Variants in MACROD2 observed in about 807,000 individuals in gnomAD.
MACROD2 encodes the protein ADP-ribose glycohydrolase MACROD2.
In MACROD2, 36 loss-of-function variants were observed where a neutral mutation model predicts 70.4. That is an observed-to-expected ratio of 0.51 (90% CI 0.39 to 0.68). The LOEUF (loss-of-function observed/expected upper bound fraction) is 0.68. Among genes scored for constraint, MACROD2 ranks in the 30% least tolerant of loss-of-function variants. The pLI is 0.00. For missense variants in MACROD2, 496 were observed against 538.4 expected, an observed-to-expected ratio of 0.92 and a Z score of 0.78; for synonymous variants, 172 against 178.8, an observed-to-expected ratio of 0.96 and a Z score of 0.30.
At chr20:15,712,041 C>G (rs1488013425) in intron 8 of MACROD2, among the ~76,000 whole-genome samples, 1 of 152,144 alleles carries the variant, frequency 6.6e-6, no homozygotes, top group Non-Finnish European at 1.5e-5. Context: ...AAAAAGACGA[C>G]AGAACAAGAG....
chr20:14,601,014 G>A (rs892558385), intron 4 of MACROD2, among the ~76,000 whole-genome samples: 6 of 152,086 alleles, frequency 3.9e-5, no homozygotes, highest in Non-Finnish European at 7.4e-5. Context: ...ATGAGACCTT[G>A]GGGAAGTGTC....
chr20:15,248,771 C>T (rs57697093), intron 6 of MACROD2, among the ~76,000 whole-genome samples: 2,313 of 152,260 alleles, frequency 0.015, 61 homozygotes, highest in African/African-American at 0.053. Context: ...TGTTCTAGGT[C>T]TCTCTGCCTC....
At chr20:15,610,284 A>G (rs1321019490) in intron 8 of MACROD2, among the ~76,000 whole-genome samples, 4 of 152,198 alleles carry the variant, frequency 2.6e-5, no homozygotes. Context: ...AAGGCTTAAA[A>G]TAACAGAAAT....
intron 3 of MACROD2, among the ~76,000 whole-genome samples, chr20:14,099,948 C>T (rs1482977539): frequency 1.3e-5 from 2 of 151,968 alleles, no homozygotes; most frequent in African/African-American, 4.8e-5. Context: ...GTTAAGCCAG[C>T]ATTTGTAAGT....
chr20:15,860,480 T>G (rs2064410682), intron 8 of MACROD2, among the ~76,000 whole-genome samples: 1 of 152,204 alleles, frequency 6.6e-6, no homozygotes, highest in African/African-American at 2.4e-5. Context: ...ATTACGATCT[T>G]TGGAAATTCC....
intron 3 of MACROD2, among the ~76,000 whole-genome samples, chr20:14,228,726 G>C (rs925889744): frequency 2.6e-5 from 4 of 151,820 alleles, no homozygotes; most frequent in Admixed American, 2.6e-4. Context: ...CATTAATTTC[G>C]GCCAGCTGAG....
intron 5 of MACROD2, among the ~76,000 whole-genome samples, chr20:14,743,057 C>T (rs538946756): frequency 3.9e-5 from 6 of 152,198 alleles, no homozygotes; most frequent in East Asian, 3.9e-4. Context: ...TGAGCCACCG[C>T]GCCCGGCCTA....
intron 13 of MACROD2, among the ~76,000 whole-genome samples, chr20:15,982,237 T>C (rs1206888149): frequency 6.6e-6 from 1 of 152,136 alleles, no homozygotes; most frequent in African/African-American, 2.4e-5. Flanking sequence ...TTACATACTT[T>C]GTGCTGAGTG....
intron 2 of MACROD2, among the ~76,000 whole-genome samples, chr20:14,045,917 A>G (rs1252983955): frequency 6.6e-6 from 1 of 152,252 alleles, no homozygotes; most frequent in African/African-American, 2.4e-5. Context: ...GATTGAACTC[A>G]GCTGAACAGA....
At chr20:15,507,950 G>C (rs2047449475) in intron 8 of MACROD2, among the ~76,000 whole-genome samples, 2 of 152,170 alleles carry the variant, frequency 1.3e-5, no homozygotes, top group South Asian at 4.1e-4. Flanking sequence ...GATGGGGAGG[G>C]CTCTAATTAC....
At chr20:14,817,450 A>T (rs1290376010) in intron 5 of MACROD2, among the ~76,000 whole-genome samples, 1 of 152,180 alleles carries the variant, frequency 6.6e-6, no homozygotes, top group Admixed American at 6.5e-5. Flanking sequence ...ATGAGAATAC[A>T]CAATTTATAA....
intron 8 of MACROD2, among the ~76,000 whole-genome samples, chr20:15,664,742 C>T (rs6110718): frequency 0.11 from 16,782 of 152,088 alleles, 1,335 homozygotes; most frequent in East Asian, 0.36. Flanking sequence ...ACAAGAGACA[C>T]GCACAGTGGC....
intron 8 of MACROD2, among the ~76,000 whole-genome samples, chr20:15,846,470 A>G (rs2064232187): frequency 1.3e-5 from 2 of 152,112 alleles, no homozygotes; most frequent in South Asian, 4.1e-4. Context: ...TTGACTTGAG[A>G]CAGCAGCGAT....
At chr20:16,020,746 T>G (rs114525403) in intron 15 of MACROD2, among the ~76,000 whole-genome samples, 109 of 152,044 alleles carry the variant, frequency 7.2e-4, no homozygotes, top group African/African-American at 2.6e-3. Context: ...ACTAAAAGCA[T>G]GCAGCCACGT....
intron 4 of MACROD2, among the ~76,000 whole-genome samples, chr20:14,630,020 G>A (rs954349106): frequency 1.3e-5 from 2 of 150,378 alleles, no homozygotes; most frequent in African/African-American, 2.5e-5. Flanking sequence ...TAAGATTCAC[G>A]ACAACCCCAT....
At chr20:15,584,619 G>A (rs1487022608) in intron 8 of MACROD2, among the ~76,000 whole-genome samples, 1 of 152,174 alleles carries the variant, frequency 6.6e-6, no homozygotes. Context: ...TCCCTGTTCA[G>A]CCACTAATGA....
At chr20:14,941,555 A>G (rs1431178254) in intron 5 of MACROD2, among the ~76,000 whole-genome samples, 2 of 152,116 alleles carry the variant, frequency 1.3e-5, no homozygotes, top group African/African-American at 2.4e-5. Flanking sequence ...TGTAAGTCCA[A>G]TTCTCTTACT....
intron 5 of MACROD2, among the ~76,000 whole-genome samples, chr20:15,165,720 C>A (rs1329893115): frequency 6.6e-6 from 1 of 152,164 alleles, no homozygotes; most frequent in African/African-American, 2.4e-5. Context: ...CGTTTCCAAA[C>A]TTATGTTAAG....
At chr20:15,167,769 G>C (rs1462068214) in intron 5 of MACROD2, among the ~76,000 whole-genome samples, 1 of 152,090 alleles carries the variant, frequency 6.6e-6, no homozygotes, top group Admixed American at 6.6e-5. Flanking sequence ...AAACACACCA[G>C]TTCTGACAAC....
Sources: gnomAD v4.1 joint callset for allele counts (sites outside exome capture counted in the v4.1 genomes callset) on GRCh38, gnomAD v4.1.1 for gene constraint, MANE v1.5 for transcripts, NCBI Gene and HGNC (gene_info 2026-07-23, HGNC 2026-07-21) for gene names.